Variants in SIPA1L2 observed in about 807,000 individuals in gnomAD.
SIPA1L2 encodes signal-induced proliferation-associated 1-like protein 2.
SIPA1L2 carries 56 observed loss-of-function variants against 163.9 expected under a neutral mutation model. The ratio of observed to expected loss-of-function variants is 0.34; its 90% CI spans 0.28 to 0.43. SIPA1L2 has a LOEUF of 0.43. Ranked by LOEUF, SIPA1L2 falls within the 20% of genes least tolerant of loss-of-function variation. SIPA1L2 has a pLI of 1.00. For missense variants in SIPA1L2, 1,974 were observed against 2,193.5 expected, an observed-to-expected ratio of 0.90 and a Z score of 2.00; for synonymous variants, 877 against 865.7, an observed-to-expected ratio of 1.01 and a Z score of -0.23.
chr1:232,585,446 T>C (rs1464041655), intron 1 of SIPA1L2, among the ~76,000 whole-genome samples: 2 of 152,122 alleles, frequency 1.3e-5, no homozygotes, highest in Non-Finnish European at 2.9e-5. Context: ...ACCTACAGTG[T>C]CTAAGGGGCA....
intron 1 of SIPA1L2, among the ~76,000 whole-genome samples, chr1:232,577,268 A>G (rs1383344646): frequency 1.3e-5 from 2 of 152,184 alleles, no homozygotes; most frequent in Non-Finnish European, 2.9e-5. Context: ...AGCATTATTT[A>G]CTAAATATTT....
chr1:232,487,494 T>C (rs1665701173), intron 5 of SIPA1L2, among the ~76,000 whole-genome samples: 1 of 152,158 alleles, frequency 6.6e-6, no homozygotes, highest in Admixed American at 6.6e-5. Flanking sequence ...TAAGAACCAA[T>C]GAATAACTCT....
intron 2 of SIPA1L2, among the ~76,000 whole-genome samples, chr1:232,546,696 C>G (rs143947704): frequency 3.9e-5 from 6 of 152,240 alleles, no homozygotes; most frequent in African/African-American, 1.4e-4. Flanking sequence ...GTAGGACAGT[C>G]GGCATTCTGG....
At chr1:232,529,216 A>G (rs924610550) in intron 2 of SIPA1L2, among the ~76,000 whole-genome samples, 9 of 152,058 alleles carry the variant, frequency 5.9e-5, no homozygotes, top group African/African-American at 2.2e-4. Flanking sequence ...CTCCACCTCT[A>G]TGTTTTTGCT....
rs1009135715 is a variant in SIPA1L2, at chr1:232,399,376, C to T, written c.5023-103G>A. On this transcript the variant is annotated intron_variant, in intron 22 of 22. Transcript: ENST00000674635. ...TTTGATTCTTATTTTTACTTATGTACTTTTTGAGGGGAGAAGGGGTGACTT... is the reference window on the plus strand; with the variant it reads ...TTTGATTCTTATTTTTACTTATGTATTTTTTGAGGGGAGAAGGGGTGACTT... 8 of 1,301,566 alleles carry T rather than the reference C, an allele frequency of 6.1e-6. No individual in the cohort carries two copies. In the African/African-American group the frequency reaches 1.2e-4, roughly 19 times the overall value. 80.6% of individuals were successfully genotyped at this position (1,301,566 alleles called of 1,614,324 possible). A position where few individuals can be genotyped will look rare whatever the true frequency, so the allele number is the denominator to read the frequency against.
intron 5 of SIPA1L2, among the ~76,000 whole-genome samples, chr1:232,490,406 T>C (rs1034785054): frequency 6.6e-6 from 1 of 152,182 alleles, no homozygotes; most frequent in African/African-American, 2.4e-5. Flanking sequence ...GGAGAGGCCT[T>C]TCTGCTCTTA....
intron 16 of SIPA1L2, among the ~76,000 whole-genome samples, chr1:232,431,763 A>T (rs1163180555): frequency 6.6e-6 from 1 of 152,220 alleles, no homozygotes; most frequent in East Asian, 1.9e-4. Flanking sequence ...TCTTTTTCAA[A>T]CAGATACAAA....
intron 1 of SIPA1L2, among the ~76,000 whole-genome samples, chr1:232,621,074 C>T (rs1662784497): frequency 6.6e-6 from 1 of 152,154 alleles, no homozygotes; most frequent in Non-Finnish European, 1.5e-5. Flanking sequence ...TTCTTTTAAT[C>T]TTGGCAAAGA....
intron 2 of SIPA1L2, among the ~76,000 whole-genome samples, chr1:232,537,713 C>T (rs1573046254): frequency 6.6e-6 from 1 of 152,156 alleles, no homozygotes; most frequent in Non-Finnish European, 1.5e-5. Flanking sequence ...GTTAGCTAAC[C>T]TTTGTGAGCC....
At chr1:232,399,850 T>TC (rs150877891) in intron 22 of SIPA1L2, among the ~76,000 whole-genome samples, 3,715 of 151,874 alleles carry the variant, frequency 0.024, 145 homozygotes, top group African/African-American at 0.083. Context: ...CAGTTTCAGT[T>TC]CCCCCCCTGC....
Position 232,439,346 on chromosome 1 carries a change from T to G in SIPA1L2, c.3793A>C (p.Ser1265Arg). Residue 1265 changes from serine (S) to arginine (R), a missense_variant, in exon 15 of 23, where the codon AGT becomes CGT. Transcript: ENST00000674635. ...ATGCAGGGGGCCGTGTCGATGCCAC[T>G]GTCGGTGGAGGCCCCTTTGATGTAG... ...LTYIKGASTD[S>R]GIDTAPCMPA... 6.2e-7 allele frequency: 1 copy of G among 1,614,202 alleles called. No individual in the cohort carries two copies.
chr1:232,555,439 C>T (rs1658647750), intron 2 of SIPA1L2, among the ~76,000 whole-genome samples: 1 of 152,140 alleles, frequency 6.6e-6, no homozygotes, highest in African/African-American at 2.4e-5. Flanking sequence ...TACTTCTAAC[C>T]AGAATTCCCC....
intron 3 of SIPA1L2, among the ~76,000 whole-genome samples, chr1:232,502,565 A>C (rs912715573): frequency 1.3e-5 from 2 of 150,504 alleles, no homozygotes; most frequent in African/African-American, 4.8e-5. Context: ...ATGGCAGGTG[A>C]ATTAAAAAAA....
chr1:232,464,804 A>C (rs747477550), intron 9 of SIPA1L2, 36 bp downstream of exon 9: 6 of 1,512,084 alleles, frequency 4.0e-6, no homozygotes, highest in Non-Finnish European at 3.6e-6. Context: ...AATTGAAAAC[A>C]TAAGGATGGC....
chr1:232,417,201 G>T (rs1369705183), intron 18 of SIPA1L2, among the ~76,000 whole-genome samples: 1 of 152,122 alleles, frequency 6.6e-6, no homozygotes, highest in Non-Finnish European at 1.5e-5. Context: ...AGTAAATTTG[G>T]CCTTGAAGGA....
chr1:232,446,714 T>A (rs967664668), intron 10 of SIPA1L2, among the ~76,000 whole-genome samples: 2 of 152,248 alleles, frequency 1.3e-5, no homozygotes, highest in Non-Finnish European at 2.9e-5. Flanking sequence ...TTCCTCCTTA[T>A]TACAAACTTT....
At position 232,514,218 on chromosome 1, in the gene SIPA1L2, T is replaced by C. The variant is rs772032570; in HGVS notation, c.1122A>G (p.Thr374=). 24 of 1,614,240 alleles carry C rather than the reference T, an allele frequency of 1.5e-5. No homozygotes were observed. The South Asian group carries it at 2.4e-4, about 16-fold the overall frequency. Reference sequence around the variant, plus strand: ...TCCCTAAAGGGGACTCACAGTTGCCTGTCTGGCCCGTAGGCATCTGAGTCT... The same window carrying C: ...TCCCTAAAGGGGACTCACAGTTGCCCGTCTGGCCCGTAGGCATCTGAGTCT... ...ASQTQMPTGQ[T]GNCESPLGSK... The change falls in exon 3 of 23, where the codon ACA becomes ACG. Residue 374 remains threonine (T), a synonymous_variant. Coordinates refer to ENST00000674635, the MANE Select transcript of SIPA1L2 (RefSeq NM_020808.5).
chr1:232,559,968 G>A (rs1364977623), intron 2 of SIPA1L2, among the ~76,000 whole-genome samples: 4 of 152,226 alleles, frequency 2.6e-5, no homozygotes, highest in Non-Finnish European at 2.9e-5. Flanking sequence ...CAGCAAATCC[G>A]TCTGGAAACA....
At chr1:232,564,213 C>T (rs185681949) in intron 2 of SIPA1L2, among the ~76,000 whole-genome samples, 1 of 82,900 alleles carries the variant, frequency 1.2e-5, no homozygotes, top group Admixed American at 1.8e-4. Context: ...CCAGACTGAA[C>T]GACAAAGGTT....
Sources: gnomAD v4.1 joint callset for allele counts (sites outside exome capture counted in the v4.1 genomes callset) on GRCh38, gnomAD v4.1.1 for gene constraint, MANE v1.5 for transcripts, NCBI Gene and HGNC (gene_info 2026-07-23, HGNC 2026-07-21) for gene names.